Variants in WAPL observed in about 807,000 individuals in gnomAD.
WAPL encodes the protein WAPL cohesin release factor.
WAPL carries 5 observed loss-of-function variants against 121.0 expected under a neutral mutation model. The ratio of observed to expected loss-of-function variants is 0.04; its 90% CI spans 0.02 to 0.09. WAPL has a LOEUF of 0.09. Ranked by LOEUF, WAPL falls within the 10% of genes least tolerant of loss-of-function variation. The pLI is 1.00. For synonymous variants in WAPL, 480 were observed against 481.5 expected (o/e 1.00, Z 0.04); for missense variants, 999 against 1,410.8 (o/e 0.71, Z 4.68).
chr10:86,470,117 C>T (rs1841503454), intron 8 of WAPL, among the ~76,000 whole-genome samples: 1 of 151,960 alleles, frequency 6.6e-6, no homozygotes, highest in Non-Finnish European at 1.5e-5. Flanking sequence ...ACTACAACCT[C>T]CACCTCCCGG....
At chr10:86,438,435 G>C (rs998779155) in intron 17 of WAPL, among the ~76,000 whole-genome samples, 6 of 152,148 alleles carry the variant, frequency 3.9e-5, no homozygotes, top group Non-Finnish European at 8.8e-5. Context: ...TGTATTTTTA[G>C]CAGAGACGTG....
Position 86,500,154 on chromosome 10 carries a change from T to G in WAPL, c.1089A>C (p.Pro363=). 2 of 1,614,154 alleles carry G rather than the reference T, an allele frequency of 1.2e-6. No individual in the cohort carries two copies. Among genetic ancestry groups the G allele is most frequent in the Non-Finnish European group, 1.7e-6 (2 of 1,180,036 alleles). The change falls in exon 3 of 19, where the codon CCA becomes CCC. Residue 363 remains proline (P), a synonymous_variant. Transcript: ENST00000298767. ...TAACATTACAAACTGACAAGCAAGATGGATGTAAAACAGTGTAATCTCTAG... is the reference window on the plus strand; with the variant it reads ...TAACATTACAAACTGACAAGCAAGAGGGATGTAAAACAGTGTAATCTCTAG... ...GRTRDYTVLH[P]SCLSVCNVTI... is the part of the protein sequence containing the mutation.
At chr10:86,511,564 C>T (rs1428711661) in intron 2 of WAPL, among the ~76,000 whole-genome samples, 2 of 152,146 alleles carry the variant, frequency 1.3e-5, no homozygotes, top group East Asian at 3.9e-4. Context: ...TGTGCCTTAC[C>T]CTCAATATAA....
At chr10:86,464,814 TG>T (rs1345296676) in intron 9 of WAPL, among the ~76,000 whole-genome samples, 2 of 152,116 alleles carry the variant, frequency 1.3e-5, no homozygotes, top group Non-Finnish European at 2.9e-5. Context: ...CCGGCCTGGG[TG>T]ACAGGGGCAA....
At chr10:86,470,840 TG>T in intron 8 of WAPL, 151 bp downstream of exon 8, 1 of 546,286 alleles carries the variant, frequency 1.8e-6, no homozygotes, top group Non-Finnish European at 3.0e-6. Context: ...CAAAAGCTTC[TG>T]GCCATAAGCA....
At chr10:86,500,883 T>G in intron 2 of WAPL, 140 bp from the exon 3 acceptor site, 1 of 765,642 alleles carries the variant, frequency 1.3e-6, no homozygotes, top group Non-Finnish European at 2.0e-6. Context: ...GAAATTAACA[T>G]TTACATATCA....
intron 12 of WAPL, among the ~76,000 whole-genome samples, chr10:86,456,695 C>T (rs1014025464): frequency 1.3e-5 from 2 of 152,178 alleles, no homozygotes; most frequent in Non-Finnish European, 2.9e-5. Context: ...GGAAGGTGTT[C>T]CTCATGTCTA....
intron 17 of WAPL, among the ~76,000 whole-genome samples, chr10:86,441,460 T>C (rs1002692200): frequency 1.3e-5 from 2 of 151,786 alleles, no homozygotes; most frequent in African/African-American, 4.8e-5. Flanking sequence ...GACCCAATGC[T>C]GGCCAAGATG....
At chr10:86,443,403 T>C in intron 16 of WAPL, 40 bp from the exon 17 acceptor site, 1 of 1,585,106 alleles carries the variant, frequency 6.3e-7, no homozygotes. Flanking sequence ...AGTATATTAA[T>C]TAACACAAAC....
rs773507548 is a variant in WAPL, at chr10:86,437,576, G to A, written c.3540C>T (p.Ile1180=). The A allele has an allele frequency of 1.2e-6, 2 of 1,614,094 alleles. No individual in the cohort carries two copies. The highest frequency in any genetic ancestry group is 1.3e-5 in the African/African-American group (1 of 75,044). The change falls in exon 19 of 19, where the codon ATC becomes ATT. Residue 1180 remains isoleucine, a synonymous_variant. Transcript: ENST00000298767. ...CAVGTTGQKS[I]SRVIEYLEHC The stretch of plus-strand genomic sequence containing the variant: ...GTTCCAAATATTCAATCACTCTAGA[G>A]ATAGATTTCTGGCCAGTTGTTCCAA...
chr10:86,506,623 A>C (rs1389552508), intron 2 of WAPL, among the ~76,000 whole-genome samples: 2 of 151,440 alleles, frequency 1.3e-5, no homozygotes, highest in East Asian at 3.9e-4. Context: ...CTCTCTCTAC[A>C]AAAAAAAATT....
rs750599451 is a variant in WAPL, at chr10:86,507,928, T to G, written c.500-7185A>C. On this transcript the variant is annotated intron_variant, in intron 2 of 18. Transcript: ENST00000298767. ...TGGGCAATAACACCCTAAATTCCCT[T>G]GCTTCTCTATCTCTTCATTCCACAT... 8.3e-4 allele frequency among the ~76,000 whole-genome samples: 127 copies of G among 152,302 alleles called. 1 individual carries two copies. Among genetic ancestry groups the G allele is most frequent in the Non-Finnish European group, 8.4e-4 (57 of 68,032 alleles).
intron 4 of WAPL, among the ~76,000 whole-genome samples, chr10:86,493,739 C>T (rs1264412036): frequency 2.0e-5 from 3 of 151,740 alleles, no homozygotes; most frequent in Admixed American, 1.3e-4. Flanking sequence ...CATTGGCTCA[C>T]GCCTGTAATC....
At chr10:86,514,171 A>C (rs1389712779) in intron 2 of WAPL, among the ~76,000 whole-genome samples, 1 of 152,258 alleles carries the variant, frequency 6.6e-6, no homozygotes, top group East Asian at 1.9e-4. Context: ...ACATAATGCA[A>C]GAAAACAGTC....
chr10:86,479,096 C>T (rs933230255), intron 4 of WAPL, among the ~76,000 whole-genome samples: 33 of 151,132 alleles, frequency 2.2e-4, no homozygotes, highest in African/African-American at 7.8e-4. Context: ...GACACTCCAT[C>T]TCAAAAAAAC....
At chr10:86,502,727 C>T (rs1218628874) in intron 2 of WAPL, among the ~76,000 whole-genome samples, 1 of 152,186 alleles carries the variant, frequency 6.6e-6, no homozygotes, top group Non-Finnish European at 1.5e-5. Flanking sequence ...CCAAACCCAT[C>T]ATTACACAGA....
intron 4 of WAPL, among the ~76,000 whole-genome samples, chr10:86,483,989 G>A (rs1270019092): frequency 1.3e-5 from 2 of 150,788 alleles, no homozygotes; most frequent in Non-Finnish European, 1.5e-5. Context: ...CAAGTGCCGG[G>A]ATTACAGGCG....
At chr10:86,470,427 C>G (rs1841510520) in intron 8 of WAPL, among the ~76,000 whole-genome samples, 2 of 152,198 alleles carry the variant, frequency 1.3e-5, no homozygotes, top group Non-Finnish European at 2.9e-5. Context: ...CAAAATACTA[C>G]TAATGCTAAT....
chr10:86,503,451 CATG>C (rs1206250898), intron 2 of WAPL, among the ~76,000 whole-genome samples: 1 of 151,470 alleles, frequency 6.6e-6, no homozygotes, highest in African/African-American at 2.4e-5. Flanking sequence ...GAATGGCTGT[CATG>C]ATAAGAAAAC....
Sources: gnomAD v4.1 joint callset for allele counts (sites outside exome capture counted in the v4.1 genomes callset) on GRCh38, gnomAD v4.1.1 for gene constraint, MANE v1.5 for transcripts, NCBI Gene and HGNC (gene_info 2026-07-23, HGNC 2026-07-21) for gene names.